The following ZFP1 variants were observed in gnomAD, a reference collection of about 807,000 sequenced individuals.
The protein encoded by ZFP1 is ZFP1 zinc finger protein, also known as zinc finger protein 1 homolog.
ZFP1 carries 32 observed loss-of-function variants against 38.5 expected under a neutral mutation model. The ratio of observed to expected loss-of-function variants is 0.83; its 90% CI spans 0.63 to 1.12. ZFP1 has a LOEUF of 1.12. Ranked by LOEUF, ZFP1 falls within the 50% of genes most tolerant of loss-of-function variation. ZFP1 has a pLI of 0.00. For missense variants in ZFP1, 616 were observed against 480.8 expected (o/e 1.28, Z -2.63); for synonymous variants, 245 against 168.8 (o/e 1.45, Z -3.50).
chr16:75,164,487 AAT>A (rs2037953958), intron 2 of ZFP1, among the ~76,000 whole-genome samples: 2 of 152,182 alleles, frequency 1.3e-5, no homozygotes, highest in African/African-American at 2.4e-5. Context: ...GCATACTTTT[AAT>A]ATGTTTTGCT....
At position 75,170,289 on chromosome 16, in the gene ZFP1, C is replaced by G; in HGVS notation, c.1179C>G (p.Ser393=). The G allele has an allele frequency of 6.2e-7, 1 of 1,608,796 alleles. No individual in the cohort carries two copies. ...SECGKAFSRK[S]RLSVHQRVHI... is the part of the protein sequence containing the mutation. ...GTGGGAAGGCCTTTAGCAGGAAGTC[C>G]CGACTCAGTGTCCATCAGAGAGTTC... The change falls in exon 4 of 4, where the codon TCC becomes TCG. Residue 393 remains serine (S), a synonymous_variant. Transcript: ENST00000570010.
intron 3 of ZFP1, among the ~76,000 whole-genome samples, chr16:75,168,882 G>C (rs139634105): frequency 3.8e-4 from 58 of 152,142 alleles, no homozygotes; most frequent in Non-Finnish European, 6.9e-4. Flanking sequence ...TTACTTTCTC[G>C]GTCTCTGTGC....
the ZFP1 span, among the ~76,000 whole-genome samples, chr16:75,140,933 T>G: frequency 3.3e-5 from 5 of 152,010 alleles, no homozygotes; most frequent in Non-Finnish European, 5.9e-5. Context: ...CACTCTAGCC[T>G]GGGCGACAGA....
rs58242565 is a variant in ZFP1 at position 75,163,610 on chromosome 16, C to CTT, written c.16-3151_16-3150dup. Among the ~76,000 whole-genome samples the CTT allele has an allele frequency of 3.2e-4, 46 of 144,432 alleles. 3 individuals carry two copies. Among genetic ancestry groups the CTT allele is most frequent in the Non-Finnish European group, 4.6e-4 (30 of 65,216 alleles). The allele number at this position is 144,432 out of a possible 152,430, so 94.8% of individuals were successfully genotyped here. A position where few individuals can be genotyped will look rare whatever the true frequency, so the allele number is the denominator to read the frequency against. ...TACAGGTGTGGCCACTGCACCCAGC[C>CTT]TTTTTTTTTTGTTGTTGTTGAGACA... is the stretch of plus-strand genomic sequence containing the variant. On this transcript the variant is annotated intron_variant, in intron 2 of 3. Transcript: ENST00000570010.
intron 2 of ZFP1, among the ~76,000 whole-genome samples, chr16:75,158,443 A>G (rs1454478274): frequency 2.0e-5 from 3 of 151,710 alleles, no homozygotes; most frequent in Non-Finnish European, 2.9e-5. Context: ...TGCAGCCTCA[A>G]GCAGTTCTCC....
chr16:75,136,502 G>A, the ZFP1 span, among the ~76,000 whole-genome samples: 1 of 152,164 alleles, frequency 6.6e-6, no homozygotes, highest in Non-Finnish European at 1.5e-5. Context: ...ATATGATAAT[G>A]AATTACAATT....
At chr16:75,166,923 A>T in intron 3 of ZFP1, 27 bp downstream of exon 3, 4 of 1,608,710 alleles carry the variant, frequency 2.5e-6, no homozygotes, top group Non-Finnish European at 3.4e-6. Flanking sequence ...GGTACAGCTC[A>T]CCATGTGCCT....
chr16:75,149,521 A>AT (rs1003644607), intron 1 of ZFP1, among the ~76,000 whole-genome samples: 17 of 140,056 alleles, frequency 1.2e-4, no homozygotes, highest in South Asian at 2.3e-4. Flanking sequence ...TTGTAATACT[A>AT]TATTTTTGTA....
chr16:75,137,918 GA>G, the ZFP1 span, among the ~76,000 whole-genome samples: 2 of 150,120 alleles, frequency 1.3e-5, no homozygotes, highest in African/African-American at 4.9e-5. Flanking sequence ...ATAAATGATT[GA>G]ATACATTAGT....
Position 75,169,806 on chromosome 16 carries a change from A to G in ZFP1, c.696A>G (p.Arg232=), listed in dbSNP as rs1202793768. The change falls in exon 4 of 4, where the codon AGA becomes AGG. Residue 232 remains arginine, a synonymous_variant. Coordinates refer to ENST00000570010, the MANE Select transcript of ZFP1 (RefSeq NM_153688.4). ...SHKANLIKHQ[R]IHTGEKPFEC... is the part of the protein sequence containing the mutation. The stretch of plus-strand genomic sequence containing the variant: ...AGGCCAACCTCATCAAACATCAGAG[A>G]ATTCACACTGGGGAGAAACCTTTCG... The G allele has an allele frequency of 2.5e-6, 4 of 1,614,028 alleles. No homozygotes were observed. In the Admixed American group the frequency reaches 6.7e-5, roughly 27 times the overall value.
intron 3 of ZFP1, among the ~76,000 whole-genome samples, chr16:75,168,707 C>T (rs1390530353): frequency 6.6e-6 from 1 of 152,148 alleles, no homozygotes; most frequent in Non-Finnish European, 1.5e-5. Flanking sequence ...ATGAGAAGTG[C>T]TGTTCTCTGG....
chr16:75,166,670 T>C (rs1444357199), intron 2 of ZFP1, 100 bp from the exon 3 acceptor site: 1 of 1,592,070 alleles, frequency 6.3e-7, no homozygotes, highest in Non-Finnish European at 8.5e-7. Flanking sequence ...ATCGTTGGTG[T>C]AATATATAGA....
At chr16:75,145,614 G>A (rs1311408578), upstream of ZFP1, among the ~76,000 whole-genome samples, 1 of 152,196 alleles carries the variant, frequency 6.6e-6, no homozygotes, top group East Asian at 1.9e-4. Context: ...GCAGAGCAAG[G>A]TGGTGGAGAA....
At chr16:75,132,443 T>C in the ZFP1 span, 1 of 152,118 alleles carries the variant, frequency 6.6e-6, no homozygotes, top group Non-Finnish European at 1.5e-5. Flanking sequence ...ATTTGGGTGA[T>C]TGCATCCTTG....
At chr16:75,130,373 G>A in the ZFP1 span, among the ~76,000 whole-genome samples, 2 of 152,114 alleles carry the variant, frequency 1.3e-5, no homozygotes, top group Admixed American at 6.5e-5. Context: ...TTTTTTTGAG[G>A]TGGGTTGTCC....
chr16:75,145,788 C>G (rs1171117963), upstream of ZFP1, among the ~76,000 whole-genome samples: 1 of 152,196 alleles, frequency 6.6e-6, no homozygotes, highest in African/African-American at 2.4e-5. Flanking sequence ...AATAAAACCT[C>G]TGCATTTACC....
Position 75,170,128 on chromosome 16 carries a change from A to T in ZFP1, c.1018A>T (p.Ile340Phe). ...GKSFIQNSQL[I>F]IHMRTHTGEK... ...ATCCTTTATCCAGAACTCACAGCTC[A>T]TCATACACATGAGAACTCATACAGG... is the stretch of plus-strand genomic sequence containing the variant. Residue 340 changes from isoleucine (I) to phenylalanine (F), a missense_variant, in exon 4 of 4, where the codon ATC becomes TTC. Physicochemically the swap from Ile to Phe is conservative, Grantham distance 21. Transcript: ENST00000570010. 6.2e-7 allele frequency: 1 copy of T among 1,613,874 alleles called. No individual in the cohort carries two copies. The highest frequency in any genetic ancestry group is 8.5e-7 in the Non-Finnish European group (1 of 1,179,754).
At chr16:75,164,265 C>G (rs976349966) in intron 2 of ZFP1, among the ~76,000 whole-genome samples, 1 of 152,086 alleles carries the variant, frequency 6.6e-6, no homozygotes, top group African/African-American at 2.4e-5. Flanking sequence ...GACATTTATC[C>G]CATTTTTATT....
chr16:75,123,919 G>T, the ZFP1 span, among the ~76,000 whole-genome samples: 1 of 125,544 alleles, frequency 8.0e-6, no homozygotes, highest in Non-Finnish European at 1.6e-5. Context: ...GTGAAACCCT[G>T]TCTCTACTAA....
Sources: gnomAD v4.1 joint callset for allele counts (sites outside exome capture counted in the v4.1 genomes callset) on GRCh38, gnomAD v4.1.1 for gene constraint, MANE v1.5 for transcripts, NCBI Gene and HGNC (gene_info 2026-07-23, HGNC 2026-07-21) for gene names.